Variants in RGS6 observed in about 807,000 individuals in gnomAD.
RGS6 encodes the protein regulator of G protein signaling 6, also known as regulator of G-protein signaling 6.
Under a neutral mutation model 78.5 loss-of-function variants are expected in RGS6, and 30 were observed. The observed-to-expected ratio is 0.38, with a 90% CI of 0.29 to 0.52. The LOEUF is 0.52. Ranked by LOEUF, RGS6 falls within the 20% of genes least tolerant of loss-of-function variation. The pLI is 0.85. For missense variants in RGS6, 495 were observed against 609.7 expected (o/e 0.81, Z 1.98); for synonymous variants, 206 against 206.0 (o/e 1.00, Z 0.00).
intron 2 of RGS6, among the ~76,000 whole-genome samples, chr14:72,158,217 G>T (rs1366161392): frequency 2.6e-5 from 4 of 152,198 alleles, no homozygotes; most frequent in African/African-American, 9.7e-5. Flanking sequence ...CGAGGGCAGG[G>T]TCTATTCCAG....
chr14:72,439,581 A>G (rs866025379), intron 3 of RGS6, among the ~76,000 whole-genome samples: 59 of 152,230 alleles, frequency 3.9e-4, no homozygotes, highest in Middle Eastern at 3.2e-3. Flanking sequence ...CGCTAAGCCT[A>G]TGCAATAAAT....
chr14:72,597,295 G>A, the RGS6 span, among the ~76,000 whole-genome samples: 61,371 of 151,780 alleles, frequency 0.4, 13,897 homozygotes, highest in East Asian at 0.76. Flanking sequence ...TAATAGCATC[G>A]AATGCATTTG....
the RGS6 span, among the ~76,000 whole-genome samples, chr14:72,615,156 C>A: frequency 1.3e-5 from 2 of 152,152 alleles, no homozygotes; most frequent in African/African-American, 4.8e-5. Flanking sequence ...TGCTTCTGTC[C>A]CAGCACTTCC....
At chr14:72,478,129 G>A (rs774076930) in intron 11 of RGS6, 139 bp from the exon 12 acceptor site, 20 of 642,182 alleles carry the variant, frequency 3.1e-5, no homozygotes, top group East Asian at 1.9e-4. Context: ...TTGCTGGAGG[G>A]CAGAGCTGAG....
At chr14:72,599,408 T>TTTG in the RGS6 span, among the ~76,000 whole-genome samples, 825 of 115,696 alleles carry the variant, frequency 7.1e-3, 33 homozygotes, top group South Asian at 0.034. Flanking sequence ...TTTTTTTTTT[T>TTTG]TTTTTTTTTT....
At chr14:72,070,364 G>T (rs1006190177) in intron 2 of RGS6, among the ~76,000 whole-genome samples, 3 of 152,060 alleles carry the variant, frequency 2.0e-5, no homozygotes, top group Non-Finnish European at 2.9e-5. Flanking sequence ...TTGGCTTCAG[G>T]GTTTTGGGAC....
At chr14:72,232,017 A>G (rs1351179960) in intron 2 of RGS6, among the ~76,000 whole-genome samples, 1 of 152,200 alleles carries the variant, frequency 6.6e-6, no homozygotes, top group Non-Finnish European at 1.5e-5. Context: ...ATGAGGCTGT[A>G]TGAAGGGATA....
At chr14:72,477,007 G>C in intron 11 of RGS6, 167 bp downstream of exon 11, 3 of 597,304 alleles carry the variant, frequency 5.0e-6, no homozygotes, top group Non-Finnish European at 8.9e-6. Flanking sequence ...AACAAGCCAC[G>C]GAAGCTTGAG....
At chr14:72,167,395 G>T (rs747317990) in intron 2 of RGS6, among the ~76,000 whole-genome samples, 3 of 152,168 alleles carry the variant, frequency 2.0e-5, no homozygotes, top group Non-Finnish European at 4.4e-5. Context: ...CATTATCTTT[G>T]TCATATTCCA....
At chr14:72,492,455 G>A (rs2096590589) in intron 12 of RGS6, among the ~76,000 whole-genome samples, 1 of 152,226 alleles carries the variant, frequency 6.6e-6, no homozygotes, top group African/African-American at 2.4e-5. Flanking sequence ...AAGGGAGCGA[G>A]TGACCTTTCT....
At chr14:71,939,986 TA>T (rs1450892388) in intron 1 of RGS6, among the ~76,000 whole-genome samples, 1 of 152,212 alleles carries the variant, frequency 6.6e-6, no homozygotes, top group Non-Finnish European at 1.5e-5. Flanking sequence ...TGCCAGCTGC[TA>T]AGTATGCCTA....
chr14:71,990,660 C>T (rs2094916429), intron 2 of RGS6: 1 of 455,986 alleles, frequency 2.2e-6, no homozygotes, highest in Non-Finnish European at 4.4e-6. Context: ...TTCTGCCCAC[C>T]CCGTGAAACT....
At chr14:72,556,311 T>G (rs1033241128) in intron 17 of RGS6, among the ~76,000 whole-genome samples, 9 of 152,054 alleles carry the variant, frequency 5.9e-5, no homozygotes, top group Non-Finnish European at 1.3e-4. Context: ...AGAGCGAGTG[T>G]GTATTAACAC....
Position 71,977,838 on chromosome 14 carries a change from A to G in RGS6, c.84+12963A>G, listed in dbSNP as rs1362140999. Among the ~76,000 whole-genome samples the G allele has an allele frequency of 5.0e-4, 76 of 152,128 alleles. 2 individuals are homozygous for G. The East Asian group carries it at 9.7e-3, about 19-fold the overall frequency. Reference sequence around the variant, plus strand: ...GCTTGATGGGGATGGCATTGAATCTATAAATTACCTTGGGCAGTATGGCCA... The same window carrying G: ...GCTTGATGGGGATGGCATTGAATCTGTAAATTACCTTGGGCAGTATGGCCA... On this transcript the variant is annotated intron_variant, in intron 2 of 17. Transcript: ENST00000553525.
intron 2 of RGS6, among the ~76,000 whole-genome samples, chr14:72,326,471 G>T (rs1409770660): frequency 6.6e-6 from 1 of 152,066 alleles, no homozygotes; most frequent in Non-Finnish European, 1.5e-5. Flanking sequence ...TGCTGTCCTT[G>T]CAATAGTGAG....
At chr14:72,036,385 G>C (rs59133783) in intron 2 of RGS6, among the ~76,000 whole-genome samples, 11,753 of 151,970 alleles carry the variant, frequency 0.077, 493 homozygotes, top group South Asian at 0.12. Context: ...TTGGGGTACA[G>C]ATATGTTTTC....
chr14:72,458,407 ACCTT>A, intron 5 of RGS6, 30 bp downstream of exon 5: 3 of 1,516,020 alleles, frequency 2.0e-6, no homozygotes, highest in Non-Finnish European at 2.7e-6. Context: ...CTCCTGAAGA[ACCTT>A]TTCTTCACAA....
At chr14:71,884,998 A>T in the RGS6 span, among the ~76,000 whole-genome samples, 3 of 152,028 alleles carry the variant, frequency 2.0e-5, no homozygotes, top group Non-Finnish European at 2.9e-5. Context: ...GACCTCCACC[A>T]TCCCCATTTT....
intron 2 of RGS6, among the ~76,000 whole-genome samples, chr14:72,244,132 A>G (rs1050140320): frequency 6.6e-6 from 1 of 152,136 alleles, no homozygotes; most frequent in Non-Finnish European, 1.5e-5. Context: ...CTGAGAGATA[A>G]TGATGACTGA....
Sources: gnomAD v4.1 joint callset for allele counts (sites outside exome capture counted in the v4.1 genomes callset) on GRCh38, gnomAD v4.1.1 for gene constraint, MANE v1.5 for transcripts, NCBI Gene and HGNC (gene_info 2026-07-23, HGNC 2026-07-21) for gene names.